ERBIN: variants seen among roughly 807,000 people sequenced by gnomAD.
ERBIN encodes the protein erbb2 interacting protein, also known as densin-180-like protein.
A neutral mutation model predicts 158.4 loss-of-function variants in ERBIN; 60 were observed. The ratio of observed to expected loss-of-function variants is 0.38; its 90% CI spans 0.31 to 0.47. The LOEUF (loss-of-function observed/expected upper bound fraction) is 0.47, where lower values mean the gene tolerates loss of function less well. Among genes scored for constraint, ERBIN ranks in the 20% least tolerant of loss-of-function variants. The pLI is 0.99. For missense variants in ERBIN, 1,610 were observed against 1,648.0 expected (o/e 0.98, Z 0.40); for synonymous variants, 594 against 557.2 (o/e 1.07, Z -0.93).
In ERBIN at chr5:66,054,625, G is replaced by A. The variant is rs775391012; in HGVS notation, c.3307G>A (p.Asp1103Asn). The part of the protein sequence containing the change: ...STRRAQIPEG[D>N]YLSYREFHSA... ...AAGGCGGGCTCAGATTCCTGAAGGAGATTATTTATCATACAGAGAGTTCCA... is the reference window on the plus strand; with the variant it reads ...AAGGCGGGCTCAGATTCCTGAAGGAAATTATTTATCATACAGAGAGTTCCA... The change falls in exon 21 of 26, where the codon GAT (aspartate) becomes AAT (asparagine). Residue 1103 changes from aspartate to asparagine, a missense_variant. Asp to Asn is a conservative substitution (Grantham distance 23). Transcript: ENST00000284037. 1.1e-5 allele frequency: 18 copies of A among 1,614,006 alleles called. No individual in the cohort carries two copies. The highest frequency in any genetic ancestry group is 6.7e-5 in the Admixed American group (4 of 59,990).
chr5:66,026,460 G>T (rs772479311), intron 13 of ERBIN, 43 bp downstream of exon 13: 4 of 1,107,048 alleles, frequency 3.6e-6, no homozygotes, highest in East Asian at 5.2e-5. Context: ...AGGAGACATT[G>T]GTTAGATGAA....
chr5:65,980,249 C>G (rs1200689407), intron 1 of ERBIN, among the ~76,000 whole-genome samples: 2 of 152,048 alleles, frequency 1.3e-5, no homozygotes, highest in African/African-American at 4.8e-5. Flanking sequence ...AACCCTGTCT[C>G]TACTAAAAAT....
intron 21 of ERBIN, among the ~76,000 whole-genome samples, chr5:66,068,369 AT>A (rs1761212159): frequency 6.6e-6 from 1 of 151,860 alleles, no homozygotes; most frequent in Non-Finnish European, 1.5e-5. Context: ...TTGCAAATAT[AT>A]TTTGTGTTAT....
chr5:65,984,021 C>T (rs927626063), intron 1 of ERBIN, among the ~76,000 whole-genome samples: 2 of 152,190 alleles, frequency 1.3e-5, no homozygotes, highest in Non-Finnish European at 2.9e-5. Context: ...ACCTGCTTCC[C>T]GTGTGGCAGC....
chr5:65,976,525 T>C (rs1333919661), intron 1 of ERBIN, among the ~76,000 whole-genome samples: 7 of 151,760 alleles, frequency 4.6e-5, no homozygotes, highest in East Asian at 1.9e-4. Flanking sequence ...TTTTTCTTTT[T>C]TTTTTTTTTT....
intron 19 of ERBIN, among the ~76,000 whole-genome samples, chr5:66,049,201 A>G (rs1303963937): frequency 6.6e-6 from 1 of 152,032 alleles, no homozygotes; most frequent in Non-Finnish European, 1.5e-5. Flanking sequence ...TATTTTATTG[A>G]TTGTATCACA....
chr5:66,019,092 G>T (rs1157035935), intron 7 of ERBIN, among the ~76,000 whole-genome samples: 1 of 151,990 alleles, frequency 6.6e-6, no homozygotes, highest in African/African-American at 2.4e-5. Context: ...CAGTTTTTTG[G>T]TGAAGTCCTT....
rs35601230 is a variant in ERBIN at position 66,054,584 on chromosome 5, G to T, written c.3266G>T (p.Gly1089Val). The stretch of plus-strand genomic sequence containing the variant: ...TCCTCCACAGCCTCTGTAAATCTTG[G>T]TGATCCAGGCTCTACAAGGCGGGCT... ...SVSSTASVNLGDPGSTRRAQI... is the reference protein window; with the variant it reads ...SVSSTASVNLVDPGSTRRAQI... Residue 1089 changes from glycine (G) to valine (V), a missense_variant, in exon 21 of 26, where the codon GGT (glycine) becomes GTT (valine). Transcript: ENST00000284037. The T allele has an allele frequency of 4.2e-3, 6,813 of 1,614,062 alleles. 211 individuals carry two copies. The African/African-American group carries it at 0.072, about 17-fold the overall frequency.
At chr5:66,064,692 A>G (rs1043770254) in intron 21 of ERBIN, among the ~76,000 whole-genome samples, 2 of 152,194 alleles carry the variant, frequency 1.3e-5, no homozygotes, top group Non-Finnish European at 2.9e-5. Context: ...AACAGTTTCA[A>G]TAATAAAACA....
At chr5:66,065,255 A>G (rs1305065658) in intron 21 of ERBIN, among the ~76,000 whole-genome samples, 1 of 152,206 alleles carries the variant, frequency 6.6e-6, no homozygotes, top group Non-Finnish European at 1.5e-5. Context: ...TGTGTTTTTA[A>G]GAGACTGAAA....
At chr5:65,990,382 AAGT>A (rs1751733603) in intron 2 of ERBIN, among the ~76,000 whole-genome samples, 1 of 151,852 alleles carries the variant, frequency 6.6e-6, no homozygotes, top group Admixed American at 6.6e-5. Context: ...GTGACTGAGT[AAGT>A]AGGCCGAGTG....
intron 14 of ERBIN, among the ~76,000 whole-genome samples, chr5:66,029,872 G>T (rs1303579985): frequency 1.3e-5 from 2 of 152,096 alleles, no homozygotes; most frequent in Admixed American, 6.5e-5. Flanking sequence ...TTACAGGCGT[G>T]AGCCACCACA....
At chr5:65,951,462 C>T (rs971850953) in intron 1 of ERBIN, among the ~76,000 whole-genome samples, 6 of 152,094 alleles carry the variant, frequency 3.9e-5, no homozygotes, top group Admixed American at 6.5e-5. Flanking sequence ...GGCCTTGATA[C>T]GTTCAGTTAA....
chr5:66,047,954 T>G (rs1198641848), intron 18 of ERBIN, among the ~76,000 whole-genome samples: 1 of 151,942 alleles, frequency 6.6e-6, no homozygotes, highest in Admixed American at 6.6e-5. Flanking sequence ...TAGACTGTGC[T>G]AAGTGTGTTA....
intron 21 of ERBIN, among the ~76,000 whole-genome samples, chr5:66,062,477 AT>A (rs1760511036): frequency 6.6e-6 from 1 of 151,886 alleles, no homozygotes; most frequent in Non-Finnish European, 1.5e-5. Flanking sequence ...CTTCTTTGCC[AT>A]TGGTTTGAAC....
chr5:66,037,966 A>G (rs2151189285), intron 14 of ERBIN, among the ~76,000 whole-genome samples: 1 of 152,256 alleles, frequency 6.6e-6, no homozygotes, highest in Admixed American at 6.5e-5. Context: ...AGATAACCAG[A>G]CTAACTGTTC....
At chr5:65,927,647 A>T (rs922472108) in intron 1 of ERBIN, among the ~76,000 whole-genome samples, 1 of 152,232 alleles carries the variant, frequency 6.6e-6, no homozygotes, top group African/African-American at 2.4e-5. Context: ...TTTCAAGGGA[A>T]TCACAGTGAT....
In ERBIN at chr5:65,992,632, T is replaced by G. The variant is rs1751999157; in HGVS notation, c.-9-78T>G. On this transcript the variant is annotated intron_variant, in intron 2 of 25. Transcript: ENST00000284037. ...GTGTTTATCTGTGACATATGAATTG[T>G]GATAGATTGGAATGATTTGTTCTGA... 7.5e-6 allele frequency: 8 copies of G among 1,068,764 alleles called. No individual in the cohort carries two copies. In the South Asian group the frequency reaches 1.0e-4, roughly 13 times the overall value. 66.2% of individuals were successfully genotyped at this position (1,068,764 alleles called of 1,614,324 possible). A position where few individuals can be genotyped will look rare whatever the true frequency, so the allele number is the denominator to read the frequency against.
intron 1 of ERBIN, among the ~76,000 whole-genome samples, chr5:65,962,188 A>G (rs532730282): frequency 6.6e-6 from 1 of 152,320 alleles, no homozygotes; most frequent in Admixed American, 6.5e-5. Context: ...ATTTGAATGC[A>G]AAAGTTCTAT....
Sources: gnomAD v4.1 joint callset for allele counts (sites outside exome capture counted in the v4.1 genomes callset) on GRCh38, gnomAD v4.1.1 for gene constraint, MANE v1.5 for transcripts, NCBI Gene and HGNC (gene_info 2026-07-23, HGNC 2026-07-21) for gene names.